MAN1A2: variants seen among roughly 807,000 people sequenced by gnomAD.
MAN1A2 encodes mannosyl-oligosaccharide 1,2-alpha-mannosidase IB.
In MAN1A2, 26 loss-of-function variants were observed where a neutral mutation model predicts 75.7. The ratio of observed to expected loss-of-function variants is 0.34; its 90% CI spans 0.25 to 0.48. The LOEUF (loss-of-function observed/expected upper bound fraction) is 0.48, where lower values mean the gene tolerates loss of function less well. Among genes scored for constraint, MAN1A2 ranks in the 20% least tolerant of loss-of-function variants. The pLI is 0.99. For synonymous variants in MAN1A2, 247 were observed against 264.6 expected (o/e 0.93, Z 0.65); for missense variants, 562 against 775.5 (o/e 0.72, Z 3.27).
chr1:117,430,370 A>C (rs1385305264), intron 5 of MAN1A2, among the ~76,000 whole-genome samples: 11 of 83,200 alleles, frequency 1.3e-4, no homozygotes, highest in African/African-American at 5.5e-4. Flanking sequence ...CTCACTTCCC[A>C]GATGGGGTGG....
At chr1:117,435,225 A>G (rs962475216) in intron 5 of MAN1A2, among the ~76,000 whole-genome samples, 2 of 152,154 alleles carry the variant, frequency 1.3e-5, no homozygotes, top group African/African-American at 4.8e-5. Context: ...AATCAAGCAC[A>G]TTGTGAAATT....
At chr1:117,471,100 G>A (rs570738235) in intron 8 of MAN1A2, among the ~76,000 whole-genome samples, 5 of 151,146 alleles carry the variant, frequency 3.3e-5, no homozygotes, top group Non-Finnish European at 7.4e-5. Context: ...TGATTAAAGT[G>A]AAGAAAATAT....
chr1:117,480,361 A>G (rs1650457118), intron 8 of MAN1A2, among the ~76,000 whole-genome samples: 1 of 151,856 alleles, frequency 6.6e-6, no homozygotes, highest in East Asian at 1.9e-4. Context: ...GCAGTAATTT[A>G]CAGGCAATAA....
At position 117,487,363 on chromosome 1, in the gene MAN1A2, G is replaced by T. The variant is rs372271110; in HGVS notation, c.1169-5784G>T. ...GATTGGGAGGAAGGTCTCTAGCGGAGTAAGGAGGGAGGGGTGACTCAGTAT... is the reference window on the plus strand; with the variant it reads ...GATTGGGAGGAAGGTCTCTAGCGGATTAAGGAGGGAGGGGTGACTCAGTAT... On this transcript the variant is annotated intron_variant, in intron 8 of 12. Transcript: ENST00000356554. 2.3e-4 allele frequency among the ~76,000 whole-genome samples: 35 copies of T among 152,130 alleles called. 1 individual carries two copies. In the South Asian group the frequency reaches 7.1e-3, roughly 31 times the overall value.
At chr1:117,444,835 A>ATTTAAGCT (rs1649165428) in intron 6 of MAN1A2, among the ~76,000 whole-genome samples, 1 of 152,120 alleles carries the variant, frequency 6.6e-6, no homozygotes, top group Non-Finnish European at 1.5e-5. Context: ...AAGCTTATAT[A>ATTTAAGCT]TACAAATATA....
At chr1:117,411,016 G>A (rs1647800889) in intron 3 of MAN1A2, among the ~76,000 whole-genome samples, 1 of 151,742 alleles carries the variant, frequency 6.6e-6, no homozygotes, top group Admixed American at 6.6e-5. Context: ...TTGTTGGGAT[G>A]TTAATTCTTT....
At position 117,489,320 on chromosome 1, in the gene MAN1A2, A is replaced by G. The variant is rs137987885; in HGVS notation, c.1169-3827A>G. Reference sequence around the variant, plus strand: ...TCTGCAAAATTGTCCTTCAGTTTCAACAACTGGGAACCATAATCTTGCCAA... The same window carrying G: ...TCTGCAAAATTGTCCTTCAGTTTCAGCAACTGGGAACCATAATCTTGCCAA... On this transcript the variant is annotated intron_variant, in intron 8 of 12. Transcript: ENST00000356554. 4.5e-4 allele frequency among the ~76,000 whole-genome samples: 69 copies of G among 152,194 alleles called. 1 individual carries two copies. Among genetic ancestry groups the G allele is most frequent in the Admixed American group, 1.5e-3 (23 of 15,278 alleles).
chr1:117,484,890 T>C (rs1650622680), intron 8 of MAN1A2, among the ~76,000 whole-genome samples: 1 of 152,006 alleles, frequency 6.6e-6, no homozygotes, highest in Non-Finnish European at 1.5e-5. Context: ...TAATATTTTC[T>C]CTATTTCTAG....
chr1:117,376,911 A>G (rs1302691011), intron 1 of MAN1A2, among the ~76,000 whole-genome samples: 2 of 152,198 alleles, frequency 1.3e-5, no homozygotes, highest in African/African-American at 2.4e-5. Context: ...AGCTAGAGTT[A>G]ATTTTAAGTA....
chr1:117,487,449 T>A (rs1044025951), intron 8 of MAN1A2, among the ~76,000 whole-genome samples: 1 of 151,780 alleles, frequency 6.6e-6, no homozygotes, highest in Non-Finnish European at 1.5e-5. Flanking sequence ...TGGGAGACAA[T>A]AGGAAACCAG....
rs889834055 is a variant in MAN1A2 at position 117,411,982 on chromosome 1, A to G, written c.656-2731A>G. 4.6e-5 allele frequency among the ~76,000 whole-genome samples: 7 copies of G among 151,914 alleles called. No individual in the cohort carries two copies. In the South Asian group the frequency reaches 1.5e-3, roughly 31 times the overall value. On this transcript the variant is annotated intron_variant, in intron 3 of 12. Transcript: ENST00000356554. ...TTCCTTGTTGCTCACAAATGAGATC[A>G]GGTGTAGTTGTATGTTTCTTAGTAA...
chr1:117,372,317 A>C lies in MAN1A2; in HGVS notation c.302+3832A>C, dbSNP rs2101714026. Among the ~76,000 whole-genome samples, 2 of 152,304 alleles carry C rather than the reference A, an allele frequency of 1.3e-5. 1 individual carries two copies. Among genetic ancestry groups the C allele is most frequent in the South Asian group, 4.1e-4 (2 of 4,826 alleles). ...AAGAGGTGTTAAACTATTAAGTTTC[A>C]CAGAAAATGGTGGTTGGTTAAATAT... is the stretch of plus-strand genomic sequence containing the variant. On this transcript the variant is annotated intron_variant, in intron 1 of 12. Coordinates refer to ENST00000356554, the MANE Select transcript of MAN1A2 (RefSeq NM_006699.5).
At chr1:117,458,553 C>T (rs1272291055) in intron 6 of MAN1A2, among the ~76,000 whole-genome samples, 6 of 103,258 alleles carry the variant, frequency 5.8e-5, no homozygotes, top group African/African-American at 1.2e-4. Flanking sequence ...GACAGAGTTT[C>T]GCTCTTGTTG....
At chr1:117,388,160 A>G (rs979010772) in intron 1 of MAN1A2, among the ~76,000 whole-genome samples, 1 of 149,880 alleles carries the variant, frequency 6.7e-6, no homozygotes, top group Admixed American at 6.6e-5. Context: ...CAGTTTGGAG[A>G]GGCCGGACAG....
At chr1:117,451,591 C>G (rs879720070) in intron 6 of MAN1A2, among the ~76,000 whole-genome samples, 20 of 152,058 alleles carry the variant, frequency 1.3e-4, no homozygotes, top group Admixed American at 7.2e-4. Flanking sequence ...AGGGACTCAG[C>G]GGGAGGTAAT....
intron 6 of MAN1A2, among the ~76,000 whole-genome samples, chr1:117,452,217 G>A (rs1198095380): frequency 6.6e-6 from 1 of 151,540 alleles, no homozygotes; most frequent in East Asian, 1.9e-4. Context: ...TGAGGCAAGA[G>A]AATCACTTGA....
chr1:117,465,960 A>T (rs1649967565), intron 7 of MAN1A2, among the ~76,000 whole-genome samples: 2 of 152,134 alleles, frequency 1.3e-5, no homozygotes, highest in Admixed American at 1.3e-4. Flanking sequence ...ATTCCTGTGA[A>T]GTTATTTCTG....
intron 8 of MAN1A2, among the ~76,000 whole-genome samples, chr1:117,481,479 G>C (rs1281836149): frequency 6.6e-6 from 1 of 151,936 alleles, no homozygotes; most frequent in Non-Finnish European, 1.5e-5. Flanking sequence ...ACTAGGTATT[G>C]CTGTATAACA....
At chr1:117,371,930 C>CG (rs541502933) in intron 1 of MAN1A2, among the ~76,000 whole-genome samples, 28 of 149,752 alleles carry the variant, frequency 1.9e-4, no homozygotes, top group Non-Finnish European at 3.3e-4. Context: ...GGGACGGGGG[C>CG]GGGCATGTGC....
Sources: allele counts gnomAD v4.1 joint callset (sites outside exome capture counted in the v4.1 genomes callset), GRCh38; gene constraint gnomAD v4.1.1; transcripts MANE v1.5; gene names NCBI Gene and HGNC (gene_info 2026-07-23, HGNC 2026-07-21).